KIAA0586: variants seen among roughly 807,000 people sequenced by gnomAD.
The protein encoded by KIAA0586 is protein TALPID3.
Under a neutral mutation model 169.8 loss-of-function variants are expected in KIAA0586, and 144 were observed. The observed-to-expected ratio is 0.85, with a 90% CI of 0.74 to 0.97. The LOEUF is 0.97. Among genes scored for constraint, KIAA0586 ranks in the 50% least tolerant of loss-of-function variants. KIAA0586 has a pLI of 0.00. For synonymous variants in KIAA0586, 625 were observed against 612.4 expected, an observed-to-expected ratio of 1.02 and a Z score of -0.30; for missense variants, 1,854 against 1,823.0, an observed-to-expected ratio of 1.02 and a Z score of -0.31.
intron 29 of KIAA0586, among the ~76,000 whole-genome samples, chr14:58,538,359 T>A (rs531109340): frequency 6.6e-6 from 1 of 152,334 alleles, no homozygotes; most frequent in Non-Finnish European, 1.5e-5. Context: ...AAATATGGAA[T>A]GCTTATAAAC....
intron 4 of KIAA0586, among the ~76,000 whole-genome samples, chr14:58,437,632 A>G (rs2037936066): frequency 6.8e-6 from 1 of 146,456 alleles, no homozygotes; most frequent in African/African-American, 2.5e-5. Flanking sequence ...ACTTGAGCCC[A>G]AGAGGTTGAG....
Position 58,490,217 on chromosome 14 carries a change from A to G in KIAA0586, c.3835A>G (p.Thr1279Ala). 5 of 1,542,102 alleles carry G rather than the reference A, an allele frequency of 3.2e-6. No individual in the cohort carries two copies. Among genetic ancestry groups the G allele is most frequent in the Non-Finnish European group, 4.4e-6 (5 of 1,137,276 alleles). ...LTNLNDSLSS[T>A]LHDAVEMEDD... is the part of the protein sequence containing the mutation. ...AAACCTTAATGATAGCTTATCCAGC[A>G]CTCTGCATGATGCCGTTGAAATGGT... The change falls in exon 25 of 31, where the codon ACT becomes GCT. Residue 1279 changes from threonine to alanine, a missense_variant. Thr to Ala is a moderately conservative substitution (Grantham distance 58). Transcript: ENST00000652326.
chr14:58,492,610 C>T (rs1263690798), intron 26 of KIAA0586, among the ~76,000 whole-genome samples: 1 of 152,156 alleles, frequency 6.6e-6, no homozygotes, highest in Non-Finnish European at 1.5e-5. Context: ...AAGCAGCTTA[C>T]AGTCATGTAG....
intron 12 of KIAA0586, 134 bp downstream of exon 12, chr14:58,458,679 C>G (rs2040072264): frequency 1.8e-6 from 1 of 541,978 alleles, no homozygotes; most frequent in African/African-American, 2.0e-5. Flanking sequence ...AATTGTCACT[C>G]TTTATATTTA....
chr14:58,430,825 G>A (rs2037302627), intron 3 of KIAA0586, 108 bp downstream of exon 3: 1 of 616,886 alleles, frequency 1.6e-6, no homozygotes, highest in Non-Finnish European at 2.8e-6. Context: ...TCACATTGTT[G>A]TACAATCATC....
chr14:58,515,984 A>G (rs548137486), intron 29 of KIAA0586, among the ~76,000 whole-genome samples: 1 of 152,208 alleles, frequency 6.6e-6, no homozygotes, highest in African/African-American at 2.4e-5. Flanking sequence ...AGTCCAAGGA[A>G]AGACAGACTC....
chr14:58,545,357 T>C (rs2046914504), intron 30 of KIAA0586, among the ~76,000 whole-genome samples: 1 of 152,256 alleles, frequency 6.6e-6, no homozygotes, highest in Admixed American at 6.5e-5. Context: ...TAAAAAGTTA[T>C]AGCTCTTATT....
At chr14:58,559,554 T>C in the KIAA0586 span, among the ~76,000 whole-genome samples, 36 of 152,192 alleles carry the variant, frequency 2.4e-4, no homozygotes, top group African/African-American at 7.5e-4. Context: ...AGGGTTAGTC[T>C]GGCATAAGGA....
At chr14:58,442,916 G>A (rs907842627) in intron 5 of KIAA0586, 36 bp downstream of exon 5, 1 of 1,480,110 alleles carries the variant, frequency 6.8e-7, no homozygotes, top group Non-Finnish European at 9.2e-7. Context: ...TAACTACTTT[G>A]TGAAATATAG....
chr14:58,499,968 T>G (rs2043441065), intron 27 of KIAA0586, among the ~76,000 whole-genome samples: 1 of 152,248 alleles, frequency 6.6e-6, no homozygotes, highest in Non-Finnish European at 1.5e-5. Context: ...CATTTATTCT[T>G]TATGCTATAT....
chr14:58,507,213 ATATATATAAATCATC>A (rs2044028589), intron 27 of KIAA0586, among the ~76,000 whole-genome samples: 1 of 139,802 alleles, frequency 7.2e-6, no homozygotes. Flanking sequence ...TGTATGATTT[ATATATATAAATCATC>A]TATATGTATG....
Position 58,441,279 on chromosome 14 carries a change from A to G in KIAA0586, c.411-1427A>G, listed in dbSNP as rs561685283. On this transcript the variant is annotated intron_variant, in intron 4 of 30. Coordinates refer to ENST00000652326, the MANE Select transcript of KIAA0586 (RefSeq NM_001329943.3). ...CAGTGGGGTGATCACAACTCACTGC[A>G]GTCTCTACCTCCTCAGGCTCATGAG... is the stretch of plus-strand genomic sequence containing the variant. The G allele has an allele frequency of 1.1e-5, 5 of 443,186 alleles. 1 individual carries two copies. Among genetic ancestry groups the G allele is most frequent in the South Asian group, 4.7e-5 (3 of 63,832 alleles). 27.5% of individuals were successfully genotyped at this position (443,186 alleles called of 1,614,324 possible).
intron 27 of KIAA0586, among the ~76,000 whole-genome samples, 152 bp downstream of exon 27, chr14:58,499,112 A>G (rs1275935186): frequency 6.6e-6 from 1 of 152,170 alleles, no homozygotes; most frequent in Non-Finnish European, 1.5e-5. Flanking sequence ...CTTTTTTTAT[A>G]GTATATATAG....
chr14:58,446,491 T>C, intron 6 of KIAA0586, among the ~76,000 whole-genome samples: 1 of 151,994 alleles, frequency 6.6e-6, no homozygotes, highest in South Asian at 2.1e-4. Flanking sequence ...AGCAAGACTC[T>C]ATCTTAACAA....
chr14:58,500,300 A>C (rs1595391645), intron 27 of KIAA0586, among the ~76,000 whole-genome samples: 1 of 152,204 alleles, frequency 6.6e-6, no homozygotes, highest in African/African-American at 2.4e-5. Flanking sequence ...TGGATTCATT[A>C]ATATTGAACT....
In KIAA0586 at chr14:58,492,258, G is replaced by A. The variant is rs1192519484; in HGVS notation, c.3973G>A (p.Ala1325Thr). 6.4e-7 allele frequency: 1 copy of A among 1,550,566 alleles called. No individual in the cohort carries two copies. The highest frequency in any genetic ancestry group is 1.2e-5 in the South Asian group (1 of 83,462). Residue 1325 changes from alanine (A) to threonine (T), a missense_variant, in exon 26 of 31, where the codon GCA becomes ACA. Transcript: ENST00000652326. Reference protein sequence around the residue: ...QNQESAVSQQAVYHSEDLENS... With the variant: ...QNQESAVSQQTVYHSEDLENS... ...CCAGGAGTCAGCAGTTTCCCAGCAAGCAGTCTATCATTCAGAGGTACTTTT... is the reference window on the plus strand; with the variant it reads ...CCAGGAGTCAGCAGTTTCCCAGCAAACAGTCTATCATTCAGAGGTACTTTT...
chr14:58,512,262 CAG>C (rs1162609739), intron 28 of KIAA0586, among the ~76,000 whole-genome samples: 6 of 151,930 alleles, frequency 3.9e-5, no homozygotes, highest in Non-Finnish European at 8.8e-5. Context: ...TGAAAATAGA[CAG>C]AAATGACTTG....
intron 4 of KIAA0586, chr14:58,441,275 C>T (rs2038343984): frequency 2.2e-6 from 1 of 447,508 alleles, no homozygotes; most frequent in African/African-American, 2.1e-5. Context: ...TCACAACTCA[C>T]TGCAGTCTCT....
At chr14:58,538,211 A>G (rs1328992954) in intron 29 of KIAA0586, among the ~76,000 whole-genome samples, 1 of 152,164 alleles carries the variant, frequency 6.6e-6, no homozygotes, top group East Asian at 1.9e-4. Context: ...ATTTTGGTCT[A>G]TTTGTGGATA....
Sources: gnomAD v4.1 joint callset for allele counts (sites outside exome capture counted in the v4.1 genomes callset) on GRCh38, gnomAD v4.1.1 for gene constraint, MANE v1.5 for transcripts, NCBI Gene and HGNC (gene_info 2026-07-23, HGNC 2026-07-21) for gene names.